NFX1: variants seen among roughly 807,000 people sequenced by gnomAD.
NFX1 encodes transcriptional repressor NF-X1.
Under a neutral mutation model 137.2 loss-of-function variants are expected in NFX1, and 69 were observed. The observed-to-expected ratio is 0.50, with a 90% CI of 0.41 to 0.61. The LOEUF is 0.61. NFX1 is among the 20% of genes least tolerant of loss of function. NFX1 has a pLI of 0.00. For synonymous variants in NFX1, 495 were observed against 474.1 expected (o/e 1.04, Z -0.57); for missense variants, 1,167 against 1,391.0 (o/e 0.84, Z 2.56).
rs1470424079 is a variant in NFX1, at chr9:33,334,960, G to C, written c.2035+2458G>C. Among the ~76,000 whole-genome samples the C allele has an allele frequency of 2.6e-5, 4 of 152,110 alleles. No individual in the cohort carries two copies. The East Asian group carries it at 5.8e-4, about 22-fold the overall frequency. Reference sequence around the variant, plus strand: ...ACGTACCTATGACCTGTCATCATCAGTTGTCAACATTTTACCTCTCGTTTT... The same window carrying C: ...ACGTACCTATGACCTGTCATCATCACTTGTCAACATTTTACCTCTCGTTTT... On this transcript the variant is annotated intron_variant, in intron 11 of 23. Transcript: ENST00000379540.
chr9:33,294,305 A>G, intron 1 of NFX1, 115 bp from the exon 2 acceptor site: 2 of 945,204 alleles, frequency 2.1e-6, no homozygotes, highest in Non-Finnish European at 3.2e-6. Flanking sequence ...CTTACTTAAC[A>G]GCATGTTTTA....
chr9:33,363,883 TAATC>T (rs1824089398), intron 19 of NFX1, 123 bp from the exon 20 acceptor site: 4 of 528,906 alleles, frequency 7.6e-6, no homozygotes, highest in Non-Finnish European at 1.3e-5. Context: ...CTCTCCTTAA[TAATC>T]CAGTTTACCA....
chr9:33,303,684 A>C (rs1220172905), intron 4 of NFX1, among the ~76,000 whole-genome samples: 2 of 152,202 alleles, frequency 1.3e-5, no homozygotes, highest in Non-Finnish European at 2.9e-5. Context: ...GATTTTTTAT[A>C]AACCAGCATT....
intron 10 of NFX1, 115 bp from the exon 11 acceptor site, chr9:33,332,357 C>A: frequency 1.0e-6 from 1 of 977,406 alleles, no homozygotes; most frequent in Non-Finnish European, 1.5e-6. Context: ...GAATAAGTGA[C>A]TATCAGAGAA....
At chr9:33,317,435 AG>A (rs202190162) in intron 7 of NFX1, among the ~76,000 whole-genome samples, 8,660 of 145,130 alleles carry the variant, frequency 0.06, 391 homozygotes, top group East Asian at 0.097. Context: ...AAAAAAAAAA[AG>A]AAAGAAAGAA....
At chr9:33,330,731 C>G (rs1822774598) in intron 10 of NFX1, among the ~76,000 whole-genome samples, 1 of 152,174 alleles carries the variant, frequency 6.6e-6, no homozygotes, top group East Asian at 1.9e-4. Flanking sequence ...CTCACTCCCT[C>G]TAATAGTGGA....
intron 4 of NFX1, among the ~76,000 whole-genome samples, chr9:33,305,184 A>G (rs77659068): frequency 0.021 from 3,220 of 152,324 alleles, 131 homozygotes; most frequent in African/African-American, 0.073. Flanking sequence ...TTAAAACACA[A>G]TTAGCCTGAT....
At chr9:33,339,812 C>T (rs916220441) in intron 12 of NFX1, among the ~76,000 whole-genome samples, 4 of 152,174 alleles carry the variant, frequency 2.6e-5, no homozygotes, top group Admixed American at 6.5e-5. Context: ...CATGCAAGTC[C>T]GAAATTCAGT....
rs756642355 is a variant in NFX1, at chr9:33,364,688, CTGG to C, written c.2973-17_2973-15del. 1 of 1,609,902 alleles carries C rather than the reference CTGG, an allele frequency of 6.2e-7. No homozygotes were observed. The highest frequency in any genetic ancestry group is 1.1e-5 in the South Asian group (1 of 90,190). On this transcript the variant is annotated splice_polypyrimidine_tract_variant and intron_variant, in intron 20 of 23. Transcript: ENST00000379540. ...GAAGGGCAGGGACAGACAAAATTAA[CTGG>C]TGATTTCTCATTTCAGGAAGGACTT...
intron 12 of NFX1, among the ~76,000 whole-genome samples, chr9:33,341,172 T>A (rs1446096477): frequency 6.6e-6 from 1 of 152,210 alleles, no homozygotes; most frequent in African/African-American, 2.4e-5. Context: ...GAAAGAGTTT[T>A]AATGGACTTA....
intron 6 of NFX1, among the ~76,000 whole-genome samples, chr9:33,311,505 A>G (rs529903358): frequency 1.3e-4 from 20 of 152,312 alleles, no homozygotes; most frequent in African/African-American, 4.6e-4. Context: ...TATATGCACA[A>G]TGAGATTGTG....
At chr9:33,338,881 C>T (rs1220094052) in intron 12 of NFX1, among the ~76,000 whole-genome samples, 1 of 152,184 alleles carries the variant, frequency 6.6e-6, no homozygotes, top group Non-Finnish European at 1.5e-5. Flanking sequence ...CCTAGATGAG[C>T]ACACAGTCTT....
In NFX1 at chr9:33,294,584, G is replaced by A. The variant is rs1334353362; in HGVS notation, c.190G>A (p.Glu64Lys). 1 of 1,614,068 alleles carries A rather than the reference G, an allele frequency of 6.2e-7. No homozygotes were observed. Among genetic ancestry groups the A allele is most frequent in the African/African-American group, 1.3e-5 (1 of 74,928 alleles). Reference sequence around the variant, plus strand: ...CCTTTCCAGGCAGGTCCCTTATGATGAAATCTCTGCTGTTCATCAGCATAG... The same window carrying A: ...CCTTTCCAGGCAGGTCCCTTATGATAAAATCTCTGCTGTTCATCAGCATAG... ...CHLSRQVPYDEISAVHQHSYH... is the reference protein window; with the variant it reads ...CHLSRQVPYDKISAVHQHSYH... Residue 64 changes from glutamate (E) to lysine (K), a missense_variant, in exon 2 of 24, where the codon GAA (glutamate) becomes AAA (lysine). Glu to Lys is a moderately conservative substitution (Grantham distance 56, BLOSUM62 1). Transcript: ENST00000379540.
intron 8 of NFX1, 22 bp from the exon 9 acceptor site, chr9:33,318,888 T>C (rs148454292): frequency 1.9e-6 from 3 of 1,614,152 alleles, no homozygotes; most frequent in South Asian, 2.2e-5. Context: ...AACAATTATG[T>C]AATAGTGTGT....
intron 19 of NFX1, among the ~76,000 whole-genome samples, chr9:33,363,513 G>T (rs1824076909): frequency 6.6e-6 from 1 of 151,850 alleles, no homozygotes; most frequent in South Asian, 2.1e-4. Context: ...CGAACTCCTG[G>T]CCTCAAGTGA....
intron 10 of NFX1, among the ~76,000 whole-genome samples, chr9:33,330,139 G>A (rs1015324622): frequency 7.2e-5 from 11 of 152,100 alleles, no homozygotes; most frequent in African/African-American, 2.4e-4. Context: ...AAAAGTCTTC[G>A]GGTGATTCAG....
At chr9:33,365,973 C>G (rs1824156806) in intron 21 of NFX1, 2 of 152,232 alleles carry the variant, frequency 1.3e-5, no homozygotes. Context: ...GCCCCCAGCG[C>G]TGCATTGGCT....
chr9:33,290,836 C>A (rs1209294933), intron 1 of NFX1, among the ~76,000 whole-genome samples: 1 of 152,236 alleles, frequency 6.6e-6, no homozygotes, highest in African/African-American at 2.4e-5. Context: ...CCCGGCGCTG[C>A]GAGTCGATGT....
At chr9:33,331,846 G>A (rs1418281338) in intron 10 of NFX1, among the ~76,000 whole-genome samples, 2 of 152,028 alleles carry the variant, frequency 1.3e-5, no homozygotes, top group African/African-American at 2.4e-5. Context: ...TACCCCAAGT[G>A]ACTGACTTCC....
Sources: allele counts gnomAD v4.1 joint callset (sites outside exome capture counted in the v4.1 genomes callset), GRCh38; gene constraint gnomAD v4.1.1; transcripts MANE v1.5; gene names NCBI Gene and HGNC (gene_info 2026-07-23, HGNC 2026-07-21).